The following ARHGAP21 variants were observed in gnomAD, a reference collection of about 807,000 sequenced individuals.
ARHGAP21 encodes the protein rho GTPase-activating protein 21.
ARHGAP21 carries 38 observed loss-of-function variants against 164.6 expected under a neutral mutation model. The ratio of observed to expected loss-of-function variants is 0.23; its 90% CI spans 0.18 to 0.30. The LOEUF (loss-of-function observed/expected upper bound fraction) is 0.30. Ranked by LOEUF, ARHGAP21 falls within the 10% of genes least tolerant of loss-of-function variation. ARHGAP21 has a pLI of 1.00. For missense variants in ARHGAP21, 1,822 were observed against 2,370.7 expected (o/e 0.77, Z 4.81); for synonymous variants, 766 against 857.9 (o/e 0.89, Z 1.87).
intron 4 of ARHGAP21, among the ~76,000 whole-genome samples, chr10:24,657,411 C>T (rs1398225739): frequency 1.5e-3 from 88 of 57,824 alleles, no homozygotes; most frequent in Middle Eastern, 0.013. Context: ...CCAGCCGCCC[C>T]GTCCGGGAGG....
At chr10:24,722,978 C>T (rs1225882131) in intron 1 of ARHGAP21, among the ~76,000 whole-genome samples, 2 of 152,008 alleles carry the variant, frequency 1.3e-5, no homozygotes, top group African/African-American at 2.4e-5. Context: ...CTTCCCTTCC[C>T]CTGTGGCCAC....
At chr10:24,589,168 G>T in intron 25 of ARHGAP21, 103 bp downstream of exon 25, 3 of 964,860 alleles carry the variant, frequency 3.1e-6, no homozygotes, top group East Asian at 2.5e-5. Context: ...TTGTTGCTCT[G>T]TCTCATTAGA....
intron 4 of ARHGAP21, among the ~76,000 whole-genome samples, chr10:24,653,023 C>T (rs866921093): frequency 7.9e-5 from 12 of 152,226 alleles, no homozygotes; most frequent in African/African-American, 2.9e-4. Context: ...TGTCAATTAA[C>T]AGTAGATTGG....
intron 2 of ARHGAP21, among the ~76,000 whole-genome samples, chr10:24,720,324 T>A (rs181369821): frequency 2.0e-5 from 3 of 150,958 alleles, no homozygotes; most frequent in East Asian, 3.9e-4. Flanking sequence ...CTAATTAAAG[T>A]ATTCACAAGA....
chr10:24,692,030 A>G (rs1383576184), intron 2 of ARHGAP21, among the ~76,000 whole-genome samples: 1 of 152,254 alleles, frequency 6.6e-6, no homozygotes, highest in African/African-American at 2.4e-5. Flanking sequence ...CCACCTGAAG[A>G]GACAAAATGG....
intron 2 of ARHGAP21, among the ~76,000 whole-genome samples, chr10:24,682,499 C>G (rs1841864097): frequency 6.6e-6 from 1 of 152,132 alleles, no homozygotes; most frequent in African/African-American, 2.4e-5. Flanking sequence ...TTATTCCTCA[C>G]ATAGTAGGAT....
At chr10:24,658,772 A>G (rs1839361863) in intron 4 of ARHGAP21, among the ~76,000 whole-genome samples, 1 of 150,768 alleles carries the variant, frequency 6.6e-6, no homozygotes. Context: ...GCACATGTAT[A>G]CATATGTAAA....
chr10:24,714,319 T>TG (rs1593381555), intron 2 of ARHGAP21: 2 of 152,228 alleles, frequency 1.3e-5, no homozygotes, highest in East Asian at 3.8e-4. Context: ...TTACTTGACC[T>TG]GGTAGTAACT....
At chr10:24,655,983 A>G (rs1593184316) in intron 4 of ARHGAP21, among the ~76,000 whole-genome samples, 2 of 100,564 alleles carry the variant, frequency 2.0e-5, no homozygotes, top group East Asian at 3.3e-4. Context: ...CCTGGCAACC[A>G]CCCCGTCTGA....
chr10:24,714,623 A>C (rs567214699), intron 2 of ARHGAP21, among the ~76,000 whole-genome samples: 1 of 152,344 alleles, frequency 6.6e-6, no homozygotes, highest in Non-Finnish European at 1.5e-5. Flanking sequence ...CAGTATTCTG[A>C]CACTTAAATT....
At chr10:24,589,418 A>G in intron 24 of ARHGAP21, 116 bp from the exon 25 acceptor site, 1 of 871,694 alleles carries the variant, frequency 1.1e-6, no homozygotes, top group Non-Finnish European at 1.8e-6. Context: ...CAAAACTCAA[A>G]ACAATAGAAC....
intron 7 of ARHGAP21, 174 bp downstream of exon 7, chr10:24,629,822 T>G (rs1404162755): frequency 3.0e-6 from 2 of 671,336 alleles, no homozygotes; most frequent in Non-Finnish European, 5.6e-6. Flanking sequence ...TTGCAAAAAC[T>G]TGGCAATGGT....
chr10:24,683,095 C>CAAA (rs200968718), intron 2 of ARHGAP21, among the ~76,000 whole-genome samples: 12 of 88,944 alleles, frequency 1.3e-4, no homozygotes, highest in Admixed American at 2.6e-4. Flanking sequence ...AACTCCATCT[C>CAAA]AAAAAAAAAA....
intron 3 of ARHGAP21, among the ~76,000 whole-genome samples, chr10:24,668,984 T>C (rs1400183987): frequency 1.3e-5 from 2 of 152,174 alleles, no homozygotes; most frequent in African/African-American, 2.4e-5. Context: ...TGTGACCTAA[T>C]GCGTAAGTAA....
intron 4 of ARHGAP21, among the ~76,000 whole-genome samples, chr10:24,655,747 G>A (rs1268967317): frequency 2.2e-5 from 3 of 138,698 alleles, no homozygotes; most frequent in Non-Finnish European, 3.1e-5. Context: ...CCGCCCGGCC[G>A]CCATCCCATC....
chr10:24,587,840 C>G (rs73606513), intron 25 of ARHGAP21, among the ~76,000 whole-genome samples: 5,492 of 152,112 alleles, frequency 0.036, 309 homozygotes, highest in African/African-American at 0.12. Context: ...CTCTACTTTT[C>G]TACAGAGACT....
At chr10:24,695,114 A>G in intron 2 of ARHGAP21, among the ~76,000 whole-genome samples, 1 of 147,966 alleles carries the variant, frequency 6.8e-6, no homozygotes, top group Non-Finnish European at 1.5e-5. Context: ...AAAGAAAAGA[A>G]ACTCCCTGAA....
At chr10:24,678,156 A>G (rs1841450114) in intron 2 of ARHGAP21, among the ~76,000 whole-genome samples, 1 of 152,122 alleles carries the variant, frequency 6.6e-6, no homozygotes, top group Non-Finnish European at 1.5e-5. Context: ...ATCCTATGTA[A>G]TCTTTACGCA....
Position 24,622,716 on chromosome 10 carries a change from T to TACTGTGCA in ARHGAP21, c.525+9_525+16dup, listed in dbSNP as rs1834703519. On this transcript the variant is annotated intron_variant, in intron 8 of 25. Coordinates refer to ENST00000396432, the MANE Select transcript of ARHGAP21 (RefSeq NM_020824.4). ...ATGACTTAAAAAGCAAGGAAATGGC[T>TACTGTGCA]ACTGTGCATTTCTTACCAGTGCTGT... 8 of 1,605,682 alleles carry TACTGTGCA rather than the reference T, an allele frequency of 5.0e-6. No homozygotes were observed. The highest frequency in any genetic ancestry group is 6.8e-6 in the Non-Finnish European group (8 of 1,176,804).
Sources: gnomAD v4.1 joint callset for allele counts (sites outside exome capture counted in the v4.1 genomes callset) on GRCh38, gnomAD v4.1.1 for gene constraint, MANE v1.5 for transcripts, NCBI Gene and HGNC (gene_info 2026-07-23, HGNC 2026-07-21) for gene names.